LHCGR: variants seen among roughly 807,000 people sequenced by gnomAD.
LHCGR encodes lutropin-choriogonadotropic hormone receptor.
A neutral mutation model predicts 60.7 loss-of-function variants in LHCGR; 55 were observed. The observed-to-expected ratio is 0.91, with a 90% CI of 0.73 to 1.13. LHCGR has a LOEUF of 1.13. Among genes scored for constraint, LHCGR ranks in the 50% most tolerant of loss-of-function variants. The pLI is 0.00. For synonymous variants in LHCGR, 337 were observed against 316.5 expected, an observed-to-expected ratio of 1.06 and a Z score of -0.69; for missense variants, 862 against 836.0, an observed-to-expected ratio of 1.03 and a Z score of -0.38.
At chr2:48,734,215 G>A (rs1430376848) in intron 1 of LHCGR, among the ~76,000 whole-genome samples, 1 of 152,196 alleles carries the variant, frequency 6.6e-6, no homozygotes, top group African/African-American at 2.4e-5. Context: ...AGTAGCATGG[G>A]TGGATCTTCA....
At chr2:48,723,806 C>A (rs1430350171) in intron 4 of LHCGR, 110 bp from the exon 5 acceptor site, 4 of 803,926 alleles carry the variant, frequency 5.0e-6, no homozygotes, top group South Asian at 1.4e-5. Context: ...ATACAACTTT[C>A]ACATTAAATT....
chr2:48,742,817 G>A (rs1015937412), intron 1 of LHCGR, among the ~76,000 whole-genome samples: 1 of 151,840 alleles, frequency 6.6e-6, no homozygotes, highest in African/African-American at 2.4e-5. Context: ...TCAAAAGCTA[G>A]CAGAAGGCAA....
Position 48,698,608 on chromosome 2 carries a change from T to A in LHCGR, c.866+7A>T. Reference sequence around the variant, plus strand: ...TGGGTAGGCTTTACCTTTTGGTTTCTACTTACTCTTTTGTTGGCAAGTTTC... The same window carrying A: ...TGGGTAGGCTTTACCTTTTGGTTTCAACTTACTCTTTTGTTGGCAAGTTTC... On this transcript the variant is annotated splice_region_variant and intron_variant, in intron 9 of 10. Coordinates refer to ENST00000294954, the MANE Select transcript of LHCGR (RefSeq NM_000233.4). 1 of 1,613,342 alleles carries A rather than the reference T, an allele frequency of 6.2e-7. No homozygotes were observed. The highest frequency in any genetic ancestry group is 8.5e-7 in the Non-Finnish European group (1 of 1,179,398).
At position 48,689,021 on chromosome 2, in the gene LHCGR, T is replaced by C. The variant is rs867607815; in HGVS notation, c.948-172A>G. Among the ~76,000 whole-genome samples the C allele has an allele frequency of 6.8e-4, 104 of 152,050 alleles. 1 individual carries two copies. Among genetic ancestry groups the C allele is most frequent in the Non-Finnish European group, 1.2e-4 (8 of 67,986 alleles). The stretch of plus-strand genomic sequence containing the variant: ...AACTCTGATTTGATGTAGGAGTACC[T>C]TAAGAAGGGAATGAAAAGCCATTTA... On this transcript the variant is annotated intron_variant, in intron 10 of 10. Coordinates refer to ENST00000294954, the MANE Select transcript of LHCGR (RefSeq NM_000233.4).
intron 4 of LHCGR, 73 bp downstream of exon 4, chr2:48,725,603 C>T: frequency 9.4e-7 from 1 of 1,069,090 alleles, no homozygotes; most frequent in Non-Finnish European, 1.5e-6. Context: ...TCTTTCCAAC[C>T]TTTTCCTTGT....
chr2:48,749,947 T>A (rs1401830789), intron 1 of LHCGR, among the ~76,000 whole-genome samples: 1 of 152,158 alleles, frequency 6.6e-6, no homozygotes, highest in Non-Finnish European at 1.5e-5. Context: ...CCTGAGCTTC[T>A]CCCGAGGAGT....
intron 3 of LHCGR, among the ~76,000 whole-genome samples, chr2:48,727,675 T>C (rs1295089523): frequency 2.0e-5 from 3 of 152,258 alleles, no homozygotes; most frequent in Non-Finnish European, 4.4e-5. Context: ...ATTCTGCTTC[T>C]CAGCTAAGTC....
intron 1 of LHCGR, among the ~76,000 whole-genome samples, chr2:48,733,741 C>G (rs765302373): frequency 1.8e-4 from 27 of 151,952 alleles, no homozygotes; most frequent in Non-Finnish European, 3.2e-4. Flanking sequence ...GAATCGAAAA[C>G]CATTTTCCCT....
chr2:48,733,804 G>T (rs75288959), intron 1 of LHCGR, among the ~76,000 whole-genome samples: 5,694 of 151,712 alleles, frequency 0.038, 183 homozygotes, highest in Non-Finnish European at 0.056. Context: ...TTTCTGATTC[G>T]TCTTTGATGG....
At chr2:48,702,802 C>T (rs779800175) in intron 8 of LHCGR, among the ~76,000 whole-genome samples, 2 of 152,238 alleles carry the variant, frequency 1.3e-5, no homozygotes, top group African/African-American at 2.4e-5. Context: ...TGGGATCGCT[C>T]GGTCAAATGG....
intron 6 of LHCGR, among the ~76,000 whole-genome samples, chr2:48,716,917 A>T (rs925196111): frequency 6.6e-6 from 1 of 152,206 alleles, no homozygotes; most frequent in Admixed American, 6.5e-5. Context: ...AGACCTATTA[A>T]ATCAGAAACT....
At position 48,742,908 on chromosome 2, in the gene LHCGR, G is replaced by A. The variant is rs766796420; in HGVS notation, c.162-11610C>T. Among the ~76,000 whole-genome samples, 170 of 152,152 alleles carry A rather than the reference G, an allele frequency of 1.1e-3. 3 individuals carry two copies. The highest frequency in any genetic ancestry group is 3.4e-3 in the Middle Eastern group (1 of 294). On this transcript the variant is annotated intron_variant, in intron 1 of 10. Transcript: ENST00000294954. ...AAAAAATTAATGAATCCAGGAGCTG[G>A]TTTTTTGAAAGGATCAACAAAATTG...
intron 6 of LHCGR, chr2:48,721,568 A>G (rs68073206): frequency 2.7e-6 from 1 of 366,230 alleles, no homozygotes; most frequent in African/African-American, 2.1e-5. Context: ...TACATGTAAA[A>G]TTACATCTAC....
intron 1 of LHCGR, among the ~76,000 whole-genome samples, chr2:48,751,297 T>C (rs1393255758): frequency 6.6e-6 from 1 of 152,246 alleles, no homozygotes; most frequent in Non-Finnish European, 1.5e-5. Context: ...CAAAGCTCTC[T>C]AATAACTTTA....
chr2:48,755,373 G>C, intron 1 of LHCGR, 138 bp downstream of exon 1: 1 of 627,836 alleles, frequency 1.6e-6, no homozygotes, highest in Non-Finnish European at 2.7e-6. Context: ...CCTAAAACGT[G>C]GGGGAAATTT....
intron 8 of LHCGR, among the ~76,000 whole-genome samples, chr2:48,707,485 T>C (rs1477735816): frequency 6.6e-6 from 1 of 152,260 alleles, no homozygotes; most frequent in East Asian, 1.9e-4. Flanking sequence ...CTGCAGAAGT[T>C]GTGCCCACAG....
At chr2:48,750,010 A>C (rs1669889202) in intron 1 of LHCGR, among the ~76,000 whole-genome samples, 1 of 152,054 alleles carries the variant, frequency 6.6e-6, no homozygotes, top group Admixed American at 6.6e-5. Flanking sequence ...TGGCTGGGAG[A>C]GCTGAGTCAG....
intron 9 of LHCGR, among the ~76,000 whole-genome samples, chr2:48,695,510 C>G (rs1436250437): frequency 1.3e-5 from 2 of 152,138 alleles, no homozygotes; most frequent in Non-Finnish European, 2.9e-5. Flanking sequence ...TCTAAAAGAA[C>G]TTAAAACAGA....
intron 10 of LHCGR, among the ~76,000 whole-genome samples, chr2:48,692,130 A>G (rs991888198): frequency 6.6e-6 from 1 of 152,290 alleles, no homozygotes; most frequent in Admixed American, 6.5e-5. Flanking sequence ...CCTGAATAAA[A>G]AATCTATAGA....
Sources: allele counts gnomAD v4.1 joint callset (sites outside exome capture counted in the v4.1 genomes callset), GRCh38; gene constraint gnomAD v4.1.1; transcripts MANE v1.5; gene names NCBI Gene and HGNC (gene_info 2026-07-23, HGNC 2026-07-21).